Variants in CD28 observed in about 807,000 individuals in gnomAD.
CD28 encodes CD28 molecule.
CD28 carries 8 observed loss-of-function variants against 21.4 expected under a neutral mutation model. The observed-to-expected ratio is 0.37, with a 90% CI of 0.22 to 0.68. The LOEUF (loss-of-function observed/expected upper bound fraction) is 0.68. CD28 is among the 30% of genes least tolerant of loss of function. The pLI is 0.55. For missense variants in CD28, 239 were observed against 272.2 expected (o/e 0.88, Z 0.86); for synonymous variants, 106 against 104.0 (o/e 1.02, Z -0.12).
chr2:203,728,228 A>G (rs1559556042), intron 2 of CD28, among the ~76,000 whole-genome samples: 1 of 152,264 alleles, frequency 6.6e-6, no homozygotes, highest in Non-Finnish European at 1.5e-5. Context: ...TTCATAGTCA[A>G]AAACTCAGTA....
intron 3 of CD28, among the ~76,000 whole-genome samples, chr2:203,733,433 A>C (rs78726080): frequency 2.0e-5 from 3 of 152,124 alleles, no homozygotes; most frequent in Non-Finnish European, 2.9e-5. Flanking sequence ...TAAAAAAAAA[A>C]CAGCATTTGG....
At chr2:203,708,597 T>G (rs1693224174) in intron 1 of CD28, among the ~76,000 whole-genome samples, 1 of 152,194 alleles carries the variant, frequency 6.6e-6, no homozygotes, top group Non-Finnish European at 1.5e-5. Flanking sequence ...TTTAGAACAT[T>G]TATTAAAAGG....
chr2:203,734,876 T>A lies in CD28; in HGVS notation c.627T>A (p.Tyr209Ter). 6.2e-7 allele frequency: 1 copy of A among 1,614,206 alleles called. No homozygotes were observed. ...PGPTRKHYQP[Y>*]APPRDFAAYR... ...CCACCCGCAAGCATTACCAGCCCTA[T>A]GCCCCACCACGCGACTTCGCAGCCT... is the stretch of plus-strand genomic sequence containing the variant. The change falls in exon 4 of 4, where the codon TAT (tyrosine) becomes TAA (stop). Residue 209 changes from tyrosine (Y) to a stop codon, truncating the protein, a stop_gained. Coordinates refer to ENST00000324106, the MANE Select transcript of CD28 (RefSeq NM_006139.4). LOFTEE classifies it high-confidence loss of function.
At chr2:203,731,001 T>G (rs1237263032) in intron 3 of CD28, among the ~76,000 whole-genome samples, 1 of 152,210 alleles carries the variant, frequency 6.6e-6, no homozygotes, top group Non-Finnish European at 1.5e-5. Flanking sequence ...AAGCTTACCT[T>G]TCAGTTGTTC....
At chr2:203,719,072 A>AT (rs934293723) in intron 1 of CD28, among the ~76,000 whole-genome samples, 2 of 152,126 alleles carry the variant, frequency 1.3e-5, no homozygotes, top group South Asian at 2.1e-4. Context: ...TTGGAAATGT[A>AT]TTTTTTTCTA....
intron 1 of CD28, among the ~76,000 whole-genome samples, chr2:203,713,877 CAG>C (rs1693388647): frequency 1.2e-5 from 1 of 83,902 alleles, no homozygotes; most frequent in Non-Finnish European, 2.8e-5. Context: ...GAGAGAGAGA[CAG>C]AGAGAGAGAG....
In CD28 at chr2:203,718,717, G is replaced by A. The variant is rs531934094; in HGVS notation, c.53-7916G>A. On this transcript the variant is annotated intron_variant, in intron 1 of 3. Coordinates refer to ENST00000324106, the MANE Select transcript of CD28 (RefSeq NM_006139.4). ...AACTGCTTCTTTAGCTTCCCAGTACGTTTTATTTCTCTATGGTGCTACGAT... is the reference window on the plus strand; with the variant it reads ...AACTGCTTCTTTAGCTTCCCAGTACATTTTATTTCTCTATGGTGCTACGAT... Among the ~76,000 whole-genome samples, 9 of 152,226 alleles carry A rather than the reference G, an allele frequency of 5.9e-5. No homozygotes were observed. In the South Asian group the frequency reaches 8.3e-4, roughly 14 times the overall value.
chr2:203,716,126 A>G (rs770991146), intron 1 of CD28, among the ~76,000 whole-genome samples: 1 of 152,046 alleles, frequency 6.6e-6, no homozygotes, highest in Non-Finnish European at 1.5e-5. Flanking sequence ...TTGGCTCCCC[A>G]TGACTGGTAT....
chr2:203,730,756 A>C (rs1559557066), intron 3 of CD28, among the ~76,000 whole-genome samples: 1 of 152,230 alleles, frequency 6.6e-6, no homozygotes, highest in Non-Finnish European at 1.5e-5. Flanking sequence ...TAACCTCCAG[A>C]GAGGTCAAAT....
At chr2:203,726,593 T>C in intron 1 of CD28, 40 bp from the exon 2 acceptor site, 1 of 1,446,416 alleles carries the variant, frequency 6.9e-7, no homozygotes, top group Non-Finnish European at 9.5e-7. Context: ...AAATTATCCT[T>C]ATATTCTTGT....
At chr2:203,711,441 C>T (rs982383018) in intron 1 of CD28, among the ~76,000 whole-genome samples, 4 of 152,354 alleles carry the variant, frequency 2.6e-5, no homozygotes, top group South Asian at 2.1e-4. Flanking sequence ...ATATGTGCTT[C>T]TGTTTTCATT....
At chr2:203,723,730 G>C (rs988451845) in intron 1 of CD28, among the ~76,000 whole-genome samples, 1 of 152,162 alleles carries the variant, frequency 6.6e-6, no homozygotes, top group African/African-American at 2.4e-5. Flanking sequence ...TAATAGAAAA[G>C]ATGAACAATA....
At chr2:203,728,589 T>C (rs1307042849) in intron 2 of CD28, among the ~76,000 whole-genome samples, 1 of 152,220 alleles carries the variant, frequency 6.6e-6, no homozygotes, top group African/African-American at 2.4e-5. Flanking sequence ...TTTTGTGTTC[T>C]GGCAAAATAG....
At chr2:203,721,906 G>T (rs1015936046) in intron 1 of CD28, among the ~76,000 whole-genome samples, 9 of 152,002 alleles carry the variant, frequency 5.9e-5, no homozygotes, top group African/African-American at 2.2e-4. Context: ...CAAACCACTG[G>T]ACTCTAGATG....
At chr2:203,710,125 A>T (rs1273386369) in intron 1 of CD28, among the ~76,000 whole-genome samples, 1 of 152,238 alleles carries the variant, frequency 6.6e-6, no homozygotes, top group Admixed American at 6.5e-5. Context: ...AAGTAAGGTG[A>T]AAAGATGAAT....
chr2:203,716,404 G>A (rs1233106580), intron 1 of CD28, among the ~76,000 whole-genome samples: 3 of 152,026 alleles, frequency 2.0e-5, no homozygotes, highest in Admixed American at 1.3e-4. Context: ...ACCTGCCTTC[G>A]GATTTCTCCT....
rs138634726 is a variant in CD28 at position 203,716,104 on chromosome 2, A to G, written c.52+9356A>G. ...TCCCATGGCCTTTCTGGTAAAATCT[A>G]TGTGCCTTTTCTTGGCTCCCCATGA... On this transcript the variant is annotated intron_variant, in intron 1 of 3. Coordinates refer to ENST00000324106, the MANE Select transcript of CD28 (RefSeq NM_006139.4). Among the ~76,000 whole-genome samples the G allele has an allele frequency of 8.1e-3, 1,236 of 152,186 alleles. 16 individuals are homozygous for G. Among genetic ancestry groups the G allele is most frequent in the African/African-American group, 0.027 (1,141 of 41,520 alleles).
chr2:203,726,034 C>A (rs1693737305), intron 1 of CD28, among the ~76,000 whole-genome samples: 1 of 151,948 alleles, frequency 6.6e-6, no homozygotes, highest in Non-Finnish European at 1.5e-5. Flanking sequence ...CATGGTGAAA[C>A]CCCGTCTATA....
At chr2:203,726,544 TTC>T in intron 1 of CD28, 87 bp from the exon 2 acceptor site, 1 of 886,254 alleles carries the variant, frequency 1.1e-6, no homozygotes, top group Non-Finnish European at 1.8e-6. Flanking sequence ...TGGAGATCTG[TTC>T]ATTTAGTTAA....
Sources: allele counts gnomAD v4.1 joint callset (sites outside exome capture counted in the v4.1 genomes callset), GRCh38; gene constraint gnomAD v4.1.1; transcripts MANE v1.5; gene names NCBI Gene and HGNC (gene_info 2026-07-23, HGNC 2026-07-21).